Variants in PHLPP2 observed in about 807,000 individuals in gnomAD.
The protein encoded by PHLPP2 is PH domain leucine-rich repeat-containing protein phosphatase 2.
Under a neutral mutation model 124.9 loss-of-function variants are expected in PHLPP2, and 66 were observed. The observed-to-expected ratio is 0.53, with a 90% CI of 0.43 to 0.65. The LOEUF is 0.65. PHLPP2 is among the 30% of genes least tolerant of loss of function. The probability of loss-of-function intolerance (pLI) is 0.00; values close to 1 mark genes in which losing one functional copy is unlikely to be tolerated. For missense variants in PHLPP2, 1,685 were observed against 1,600.4 expected, an observed-to-expected ratio of 1.05 and a Z score of -0.90; for synonymous variants, 681 against 624.7, an observed-to-expected ratio of 1.09 and a Z score of -1.34.
chr16:71,676,833 C>G (rs1359820054), intron 8 of PHLPP2, 184 bp from the exon 9 acceptor site: 5 of 567,286 alleles, frequency 8.8e-6, no homozygotes, highest in Non-Finnish European at 1.6e-5. Context: ...ACTGCAACCT[C>G]TGCCTCCCAG....
intron 13 of PHLPP2, among the ~76,000 whole-genome samples, chr16:71,659,363 TG>T (rs2044769455): frequency 6.6e-6 from 1 of 151,614 alleles, no homozygotes; most frequent in South Asian, 2.1e-4. Flanking sequence ...GCAATTCTCC[TG>T]CCTCAGCCTC....
At chr16:71,692,262 G>A (rs2045122584) in intron 3 of PHLPP2, among the ~76,000 whole-genome samples, 1 of 152,028 alleles carries the variant, frequency 6.6e-6, no homozygotes, top group Non-Finnish European at 1.5e-5. Context: ...GTAGAGACGG[G>A]GTTTCACTGT....
At chr16:71,682,879 A>C (rs1200229964) in intron 5 of PHLPP2, among the ~76,000 whole-genome samples, 3 of 152,188 alleles carry the variant, frequency 2.0e-5, no homozygotes, top group African/African-American at 7.2e-5. Context: ...TATCACTAGA[A>C]AAGTCATTCA....
intron 3 of PHLPP2, among the ~76,000 whole-genome samples, chr16:71,697,318 G>A (rs932805463): frequency 6.6e-6 from 1 of 152,112 alleles, no homozygotes; most frequent in Non-Finnish European, 1.5e-5. Flanking sequence ...CCACAGCCCT[G>A]AGAAGCACAC....
rs187675083 is a variant in PHLPP2, at chr16:71,685,306, G to C, written c.610-705C>G. Among the ~76,000 whole-genome samples the C allele has an allele frequency of 1.9e-3, 284 of 152,298 alleles. 1 individual carries two copies. The highest frequency in any genetic ancestry group is 5.7e-3 in the African/African-American group (235 of 41,566). ...CGCGTCACTGCATACCAGTCCAGGC[G>C]ACAGTGCGAGACTCCGTCTCAAACA... On this transcript the variant is annotated intron_variant, in intron 4 of 18. Transcript: ENST00000568954.
intron 1 of PHLPP2, chr16:71,723,713 T>C (rs1567633501): frequency 1.2e-6 from 1 of 847,004 alleles, no homozygotes; most frequent in Non-Finnish European, 1.7e-6. Context: ...GTTCCCTCCC[T>C]AGTCCGCTTG....
chr16:71,721,925 G>C (rs911978514), intron 1 of PHLPP2, among the ~76,000 whole-genome samples: 2 of 152,138 alleles, frequency 1.3e-5, no homozygotes, highest in African/African-American at 4.8e-5. Flanking sequence ...GACTGGCTTA[G>C]TTATATTAGC....
At chr16:71,723,759 G>C (rs2045414483) in intron 1 of PHLPP2, 1 of 1,287,532 alleles carries the variant, frequency 7.8e-7, no homozygotes, top group South Asian at 1.5e-5. Context: ...TGGTCCATCC[G>C]CCTCCTCACC....
chr16:71,707,257 G>C (rs1441967570), intron 2 of PHLPP2, among the ~76,000 whole-genome samples: 1 of 152,042 alleles, frequency 6.6e-6, no homozygotes, highest in Non-Finnish European at 1.5e-5. Flanking sequence ...GCCCGGCCAA[G>C]ATACACCATT....
At chr16:71,665,898 C>G (rs1300267675) in intron 12 of PHLPP2, among the ~76,000 whole-genome samples, 1 of 152,146 alleles carries the variant, frequency 6.6e-6, no homozygotes, top group African/African-American at 2.4e-5. Flanking sequence ...TGAAGACTAT[C>G]CAATCAACTG....
intron 17 of PHLPP2, among the ~76,000 whole-genome samples, chr16:71,653,319 T>C (rs985891965): frequency 2.0e-5 from 3 of 152,024 alleles, no homozygotes; most frequent in Non-Finnish European, 4.4e-5. Context: ...TCTCAAACTT[T>C]AACACATCAG....
chr16:71,655,374 G>A lies in PHLPP2; in HGVS notation c.2451C>T (p.Gly817=), dbSNP rs1472377618. 2 of 1,613,820 alleles carry A rather than the reference G, an allele frequency of 1.2e-6. No homozygotes were observed. Among genetic ancestry groups the A allele is most frequent in the East Asian group, 2.2e-5 (1 of 44,894 alleles). ...SFAEGVGAVY[G]MFDGDRNEEL... is the part of the protein sequence containing the mutation. ...CCTCATTTCGGTCTCCATCAAACAT[G>A]CCATACACAGCTCCCACCCCCTCTG... is the stretch of plus-strand genomic sequence containing the variant. The change falls in exon 17 of 19, where the codon GGC becomes GGT. Residue 817 remains glycine, a synonymous_variant. Transcript: ENST00000568954.
At chr16:71,668,603 A>C (rs989956118) in intron 11 of PHLPP2, among the ~76,000 whole-genome samples, 1 of 151,922 alleles carries the variant, frequency 6.6e-6, no homozygotes, top group African/African-American at 2.4e-5. Flanking sequence ...CTCTACTAAA[A>C]ATACAAAAAT....
chr16:71,708,422 C>T (rs569036798), intron 2 of PHLPP2, among the ~76,000 whole-genome samples: 5 of 152,294 alleles, frequency 3.3e-5, no homozygotes, highest in South Asian at 4.1e-4. Context: ...CTGTAATTTT[C>T]CACTACCTAC....
Position 71,669,350 on chromosome 16 carries a change from G to A in PHLPP2, c.1553C>T (p.Pro518Leu). Reference protein sequence around the residue: ...DLSRNLLECVPDWACEAKKIE... With the variant: ...DLSRNLLECVLDWACEAKKIE... ...CTTCTTTGCTTCACAGGCCCAGTCA[G>A]GGACACACTCTAGCAGGTTTCTGCA... Residue 518 changes from proline (P) to leucine (L), a missense_variant, in exon 11 of 19, where the codon CCT (proline) becomes CTT (leucine). Physicochemically the swap from Pro to Leu is moderately conservative, Grantham distance 98 (BLOSUM62 -3). Transcript: ENST00000568954. 6.2e-7 allele frequency: 1 copy of A among 1,611,400 alleles called. No individual in the cohort carries two copies. The highest frequency in any genetic ancestry group is 8.5e-7 in the Non-Finnish European group (1 of 1,179,020).
chr16:71,697,732 C>CT (rs1951064326), intron 3 of PHLPP2, among the ~76,000 whole-genome samples: 1 of 151,930 alleles, frequency 6.6e-6, no homozygotes, highest in Non-Finnish European at 1.5e-5. Context: ...AGTCCCAGAG[C>CT]TACAACTTCC....
chr16:71,669,392 A>C, intron 10 of PHLPP2, 22 bp from the exon 11 acceptor site: 1 of 1,519,988 alleles, frequency 6.6e-7, no homozygotes, highest in Non-Finnish European at 9.1e-7. Flanking sequence ...AAATAATTAA[A>C]TGGCACCATT....
chr16:71,645,568 C>T lies in PHLPP2; in HGVS notation c.*3322G>A, dbSNP rs1045060220. 2 of 152,666 alleles carry T rather than the reference C, an allele frequency of 1.3e-5. No homozygotes were observed. The highest frequency in any genetic ancestry group is 4.8e-5 in the African/African-American group (2 of 41,394). 9.5% of individuals were successfully genotyped at this position (152,666 alleles called of 1,614,324 possible). On this transcript the variant is annotated 3_prime_UTR_variant, in exon 19 of 19. Coordinates refer to ENST00000568954, the MANE Select transcript of PHLPP2 (RefSeq NM_015020.3). ...AGGTGAGCCTGTGGCTTCCAAGTAC[C>T]GGCTTTTGCTGAAGGTCTACATGGG... is the stretch of plus-strand genomic sequence containing the variant.
At position 71,714,493 on chromosome 16, in the gene PHLPP2, G is replaced by A. The variant is rs775852145; in HGVS notation, c.284+19C>T. ...ATTTATATTACGGTAGAATTAGAGT[G>A]GTAAAACTGAGACCTCACCTGACCA... On this transcript the variant is annotated intron_variant, in intron 2 of 18. Coordinates refer to ENST00000568954, the MANE Select transcript of PHLPP2 (RefSeq NM_015020.3). 55 of 1,573,970 alleles carry A rather than the reference G, an allele frequency of 3.5e-5. No homozygotes were observed. The South Asian group carries it at 6.2e-4, about 18-fold the overall frequency.
Sources: allele counts gnomAD v4.1 joint callset (sites outside exome capture counted in the v4.1 genomes callset), GRCh38; gene constraint gnomAD v4.1.1; transcripts MANE v1.5; gene names NCBI Gene and HGNC (gene_info 2026-07-23, HGNC 2026-07-21).